The following TRIM69 variants were observed in gnomAD, a reference collection of about 807,000 sequenced individuals.
The protein encoded by TRIM69 is E3 ubiquitin-protein ligase TRIM69.
Under a neutral mutation model 37.7 loss-of-function variants are expected in TRIM69, and 29 were observed. The ratio of observed to expected loss-of-function variants is 0.77; its 90% CI spans 0.57 to 1.05. The LOEUF is 1.05. Among genes scored for constraint, TRIM69 ranks in the 50% least tolerant of loss-of-function variants. The pLI is 0.00. For synonymous variants in TRIM69, 209 were observed against 212.4 expected (o/e 0.98, Z 0.14); for missense variants, 596 against 579.9 (o/e 1.03, Z -0.28).
intron 6 of TRIM69, among the ~76,000 whole-genome samples, chr15:44,765,534 G>A (rs988654452): frequency 1.3e-5 from 2 of 152,132 alleles, no homozygotes; most frequent in Non-Finnish European, 2.9e-5. Flanking sequence ...AGAAGATAGA[G>A]TTAGACTAGA....
chr15:44,750,747 C>T (rs1336709212), intron 1 of TRIM69, among the ~76,000 whole-genome samples: 9 of 84,782 alleles, frequency 1.1e-4, no homozygotes, highest in South Asian at 4.2e-4. Context: ...TTTTTTGAGA[C>T]GGAGTCTCAC....
rs765797724 is a variant in TRIM69 at position 44,758,761 on chromosome 15, G to A, written c.720G>A (p.Leu240=). 12 of 1,614,046 alleles carry A rather than the reference G, an allele frequency of 7.4e-6. No individual in the cohort carries two copies. The highest frequency in any genetic ancestry group is 1.1e-5 in the South Asian group (1 of 91,088). The change falls in exon 4 of 7, where the codon CTG becomes CTA. Residue 240 remains leucine (L), a synonymous_variant. Coordinates refer to ENST00000329464, the MANE Select transcript of TRIM69 (RefSeq NM_182985.5). The part of the protein sequence containing the change: ...KALNEEMELN[L]SQLQEQCLLA... ...TGAATGAGGAGATGGAGTTGAATCT[G>A]AGCCAGCTTCAGGAGCAATGTCTCT...
At chr15:44,747,909 C>G (rs2087442235) in intron 1 of TRIM69, among the ~76,000 whole-genome samples, 1 of 152,164 alleles carries the variant, frequency 6.6e-6, no homozygotes, top group African/African-American at 2.4e-5. Context: ...AAACTAAGCC[C>G]ATAAGGAGAG....
chr15:44,750,715 C>CTTTTTTTTTTTTTTTTTTTT lies in TRIM69; in HGVS notation c.7-4177_7-4158dup, dbSNP rs869059418. On this transcript the variant is annotated intron_variant, in intron 1 of 6. Transcript: ENST00000329464. ...TCGCATTTTTATTTCATTACTTTTTCTTTTTTTTTTTTTTTTTTTTTTTTT... is the reference window on the plus strand; with the variant it reads ...TCGCATTTTTATTTCATTACTTTTTCTTTTTTTTTTTTTTTTTTTTTTTTTTTTTTTTTTTTTTTTTTTTT... Among the ~76,000 whole-genome samples, 10 of 102,838 alleles carry CTTTTTTTTTTTTTTTTTTTT rather than the reference C, an allele frequency of 9.7e-5. 5 individuals are homozygous for CTTTTTTTTTTTTTTTTTTTT. Among genetic ancestry groups the CTTTTTTTTTTTTTTTTTTTT allele is most frequent in the Admixed American group, 2.4e-4 (2 of 8,358 alleles). The allele number at this position is 102,838 out of a possible 152,430, so 67.5% of individuals were successfully genotyped here.
At chr15:44,763,735 T>C (rs1200133206) in intron 6 of TRIM69, among the ~76,000 whole-genome samples, 1 of 152,192 alleles carries the variant, frequency 6.6e-6, no homozygotes, top group Admixed American at 6.5e-5. Flanking sequence ...GTTCTTTCAG[T>C]TCTATTGAAT....
chr15:44,754,422 G>A (rs1253589760), intron 1 of TRIM69: 1 of 155,102 alleles, frequency 6.4e-6, no homozygotes, highest in Non-Finnish European at 1.4e-5. Flanking sequence ...TTACAGGCAT[G>A]AGCCACTGCG....
At position 44,767,241 on chromosome 15, in the gene TRIM69, A is replaced by ACTAACT; in HGVS notation, c.975_980dup (p.Thr326_Leu327dup). On this transcript the variant is annotated inframe_insertion, in exon 7 of 7. Transcript: ENST00000329464. Reference sequence around the variant, plus strand: ...TTATTTTCTTACTAGGCCTGTCTCCACTAACTCTGGACCCTAAAACAGCTC... The same window carrying ACTAACT: ...TTATTTTCTTACTAGGCCTGTCTCCACTAACTCTAACTCTGGACCCTAAAACAGCTC... The ACTAACT allele has an allele frequency of 1.1e-5, 18 of 1,612,916 alleles. No homozygotes were observed. Among genetic ancestry groups the ACTAACT allele is most frequent in the Non-Finnish European group, 1.5e-5 (18 of 1,179,568 alleles).
At chr15:44,739,724 G>A (rs12592925) in intron 1 of TRIM69, among the ~76,000 whole-genome samples, 130,494 of 150,714 alleles carry the variant, frequency 0.87, 56,974 homozygotes, top group Non-Finnish European at 0.93. Context: ...CAAAGCAGCC[G>A]GGAAGCTCGA....
rs777032796 is a variant in TRIM69 at position 44,767,226 on chromosome 15, A to G, written c.962-5A>G. 3 of 1,608,584 alleles carry G rather than the reference A, an allele frequency of 1.9e-6. No individual in the cohort carries two copies. Among genetic ancestry groups the G allele is most frequent in the Admixed American group, 3.4e-5 (2 of 59,044 alleles). ...ATGCTCTGCTTTCTTTTATTTTCTT[A>G]CTAGGCCTGTCTCCACTAACTCTGG... On this transcript the variant is annotated splice_polypyrimidine_tract_variant and splice_region_variant and intron_variant, in intron 6 of 6. Transcript: ENST00000329464.
At chr15:44,744,494 G>A (rs1435863391) in intron 1 of TRIM69, among the ~76,000 whole-genome samples, 3 of 152,100 alleles carry the variant, frequency 2.0e-5, no homozygotes, top group East Asian at 3.9e-4. Context: ...AAGTCCCAAA[G>A]TCCATCCCTC....
intron 4 of TRIM69, among the ~76,000 whole-genome samples, chr15:44,759,302 C>T (rs1235187917): frequency 6.6e-6 from 1 of 152,168 alleles, no homozygotes; most frequent in Non-Finnish European, 1.5e-5. Context: ...GTTTAATTAG[C>T]TAGAGTAAGG....
chr15:44,740,378 G>A (rs1266581993), intron 1 of TRIM69, among the ~76,000 whole-genome samples: 1 of 152,258 alleles, frequency 6.6e-6, no homozygotes, highest in Non-Finnish European at 1.5e-5. Flanking sequence ...AAAGCTGGAT[G>A]GAGAATGACT....
In TRIM69 at chr15:44,767,653, A is replaced by G. The variant is rs1277801599; in HGVS notation, c.1384A>G (p.Met462Val). The G allele has an allele frequency of 1.2e-6, 2 of 1,614,116 alleles. No homozygotes were observed. The highest frequency in any genetic ancestry group is 1.3e-5 in the African/African-American group (1 of 74,936). ...GTTGTCCTTCTACAATGCTAAAACC[A>G]TGACTCACATTTACACCTTCAGTAA... ...GQLSFYNAKT[M>V]THIYTFSNTF... Residue 462 changes from methionine to valine, a missense_variant, in exon 7 of 7, where the codon ATG becomes GTG. Transcript: ENST00000329464.
chr15:44,760,633 T>C (rs1340877234), intron 6 of TRIM69, among the ~76,000 whole-genome samples: 2 of 152,098 alleles, frequency 1.3e-5, no homozygotes, highest in East Asian at 1.9e-4. Context: ...TACTGAGATA[T>C]AGTTAACATA....
chr15:44,759,723 G>T, intron 5 of TRIM69, 25 bp from the exon 6 acceptor site: 1 of 1,614,122 alleles, frequency 6.2e-7, no homozygotes, highest in African/African-American at 1.3e-5. Context: ...GATGTCTAAG[G>T]ATAAATGATT....
chr15:44,755,437 G>T (rs756686485), intron 2 of TRIM69, 61 bp downstream of exon 2: 9 of 1,253,428 alleles, frequency 7.2e-6, no homozygotes, highest in African/African-American at 1.5e-5. Flanking sequence ...ATTTCATAGG[G>T]CTTCTTCTTT....
chr15:44,763,390 C>T lies in TRIM69; in HGVS notation c.961+3518C>T, dbSNP rs947574525. 1.7e-4 allele frequency among the ~76,000 whole-genome samples: 26 copies of T among 152,220 alleles called. 1 individual carries two copies. The highest frequency in any genetic ancestry group is 3.2e-4 in the Non-Finnish European group (22 of 68,034). ...CATCACATCACATTAAGTGTTCATACCGTCAACATGATTTATGACTATTGA... is the reference window on the plus strand; with the variant it reads ...CATCACATCACATTAAGTGTTCATATCGTCAACATGATTTATGACTATTGA... On this transcript the variant is annotated intron_variant, in intron 6 of 6. Coordinates refer to ENST00000329464, the MANE Select transcript of TRIM69 (RefSeq NM_182985.5).
intron 1 of TRIM69, among the ~76,000 whole-genome samples, chr15:44,744,199 T>C (rs9919968): frequency 0.78 from 114,034 of 147,114 alleles, 44,886 homozygotes; most frequent in Middle Eastern, 0.84. Context: ...AGTAAACTAT[T>C]GCAAGGACAA....
intron 6 of TRIM69, among the ~76,000 whole-genome samples, chr15:44,766,102 G>C (rs542902507): frequency 6.6e-6 from 1 of 152,098 alleles, no homozygotes; most frequent in African/African-American, 2.4e-5. Flanking sequence ...ATCTCAATCT[G>C]TCATGGACTG....
Sources: allele counts gnomAD v4.1 joint callset (sites outside exome capture counted in the v4.1 genomes callset), GRCh38; gene constraint gnomAD v4.1.1; transcripts MANE v1.5; gene names NCBI Gene and HGNC (gene_info 2026-07-23, HGNC 2026-07-21).